ATAD2B: variants seen among roughly 807,000 people sequenced by gnomAD.
ATAD2B encodes the protein ATPase family AAA domain containing 2B.
ATAD2B carries 40 observed loss-of-function variants against 167.6 expected under a neutral mutation model. The ratio of observed to expected loss-of-function variants is 0.24; its 90% confidence interval spans 0.19 to 0.31. The LOEUF is 0.31. Among genes scored for constraint, ATAD2B ranks in the 10% least tolerant of loss-of-function variants. The pLI is 1.00. For missense variants in ATAD2B, 1,242 were observed against 1,757.2 expected, an observed-to-expected ratio of 0.71 and a Z score of 5.24; for synonymous variants, 579 against 596.5, an observed-to-expected ratio of 0.97 and a Z score of 0.43.
intron 22 of ATAD2B, among the ~76,000 whole-genome samples, chr2:23,776,361 C>T (rs1272624484): frequency 2.0e-5 from 3 of 152,182 alleles, no homozygotes; most frequent in Non-Finnish European, 2.9e-5. Flanking sequence ...GCAATTAAAT[C>T]TTAACTGATG....
chr2:23,868,121 C>T (rs1695415401), intron 9 of ATAD2B, among the ~76,000 whole-genome samples, 175 bp from the exon 10 acceptor site: 1 of 151,976 alleles, frequency 6.6e-6, no homozygotes, highest in Non-Finnish European at 1.5e-5. Flanking sequence ...TTGTCAATGG[C>T]CAAAAATTAA....
the ATAD2B span, among the ~76,000 whole-genome samples, chr2:23,698,495 T>C: frequency 5.9e-5 from 9 of 152,334 alleles, no homozygotes; most frequent in Middle Eastern, 3.4e-3. Flanking sequence ...ACGAGGGGGC[T>C]TTGTTCCCCA....
the ATAD2B span, among the ~76,000 whole-genome samples, chr2:23,723,981 G>T: frequency 6.6e-6 from 1 of 152,178 alleles, no homozygotes; most frequent in East Asian, 1.9e-4. Context: ...AACATGGATG[G>T]AATTTGAGGA....
intron 7 of ATAD2B, among the ~76,000 whole-genome samples, chr2:23,878,014 G>GAAA (rs70941598): frequency 7.0e-5 from 3 of 42,744 alleles, no homozygotes; most frequent in Non-Finnish European, 1.3e-4. Context: ...TATCTCCAAA[G>GAAA]AAAAAAAAAA....
At chr2:23,810,943 G>A (rs1217924714) in intron 17 of ATAD2B, among the ~76,000 whole-genome samples, 5 of 151,374 alleles carry the variant, frequency 3.3e-5, no homozygotes, top group East Asian at 3.9e-4. Flanking sequence ...CCCGGGAGGC[G>A]AAGGTTGCAG....
At chr2:23,888,040 A>AC in intron 3 of ATAD2B, 55 bp from the exon 4 acceptor site, 1 of 1,304,288 alleles carries the variant, frequency 7.7e-7, no homozygotes, top group Non-Finnish European at 9.9e-7. Flanking sequence ...AAGACAGAAA[A>AC]GAAAAAAAAA....
chr2:23,715,300 C>A, the ATAD2B span, among the ~76,000 whole-genome samples: 22 of 152,228 alleles, frequency 1.4e-4, no homozygotes, highest in South Asian at 3.5e-3. Context: ...GAAGGCCAGG[C>A]ACGGTGGCTC....
the ATAD2B span, among the ~76,000 whole-genome samples, chr2:23,679,576 G>A: frequency 1.4e-5 from 2 of 143,930 alleles, no homozygotes; most frequent in East Asian, 3.9e-4. Context: ...CTTGACGGGG[G>A]AAGCTACAAA....
At chr2:23,714,421 T>TTTC in the ATAD2B span, among the ~76,000 whole-genome samples, 3 of 149,488 alleles carry the variant, frequency 2.0e-5, no homozygotes, top group Non-Finnish European at 3.0e-5. Context: ...TTTTTTTTTT[T>TTTC]AGTAGAGACA....
the ATAD2B span, among the ~76,000 whole-genome samples, chr2:23,728,118 C>T: frequency 6.6e-6 from 1 of 151,800 alleles, no homozygotes; most frequent in African/African-American, 2.4e-5. Context: ...CACACTAATG[C>T]AAGATGTTAA....
chr2:23,820,329 A>T (rs2149628021), intron 16 of ATAD2B, among the ~76,000 whole-genome samples: 1 of 152,306 alleles, frequency 6.6e-6, no homozygotes, highest in South Asian at 2.1e-4. Flanking sequence ...AAGAGGATAC[A>T]CCTTTTCAAA....
intron 22 of ATAD2B, among the ~76,000 whole-genome samples, chr2:23,768,269 C>T (rs1677751834): frequency 6.6e-6 from 1 of 152,084 alleles, no homozygotes; most frequent in Non-Finnish European, 1.5e-5. Context: ...GGGAAGTGAT[C>T]GTGCCCGTAG....
At chr2:23,682,727 G>A in the ATAD2B span, among the ~76,000 whole-genome samples, 1 of 151,912 alleles carries the variant, frequency 6.6e-6, no homozygotes, top group Non-Finnish European at 1.5e-5. This position sits in a 1 kb window ranked among gnomAD's most constrained non-coding sequence, Gnocchi z 4.1. Context: ...CTCTGAGCCT[G>A]TTGGTCTCTG....
At chr2:23,782,786 G>A (rs1680254788) in intron 22 of ATAD2B, 83 bp downstream of exon 22, 1 of 1,202,426 alleles carries the variant, frequency 8.3e-7, no homozygotes. Flanking sequence ...TATCTATCTA[G>A]AACACAGGCA....
the ATAD2B span, among the ~76,000 whole-genome samples, chr2:23,712,126 G>C: frequency 6.6e-6 from 1 of 152,150 alleles, no homozygotes; most frequent in South Asian, 2.1e-4. Context: ...CTTAAGCAGA[G>C]AGCAGGTTTA....
the ATAD2B span, among the ~76,000 whole-genome samples, chr2:23,698,626 GAC>G: frequency 1.3e-5 from 2 of 152,134 alleles, no homozygotes; most frequent in Non-Finnish European, 2.9e-5. Flanking sequence ...TATAGATTAA[GAC>G]AACAGCACAA....
chr2:23,738,761 G>T, the ATAD2B span, among the ~76,000 whole-genome samples: 1 of 152,122 alleles, frequency 6.6e-6, no homozygotes, highest in Admixed American at 6.5e-5. Context: ...TGGCAAATTG[G>T]ATAAAGAGTC....
chr2:23,764,378 A>G (rs1677132268), intron 23 of ATAD2B, among the ~76,000 whole-genome samples: 1 of 152,214 alleles, frequency 6.6e-6, no homozygotes, highest in Admixed American at 6.5e-5. Flanking sequence ...TCAAATAAAG[A>G]TTTCTTGGCC....
At chr2:23,693,055 C>T in the ATAD2B span, among the ~76,000 whole-genome samples, 1 of 152,110 alleles carries the variant, frequency 6.6e-6, no homozygotes, top group African/African-American at 2.4e-5. Flanking sequence ...GAGGGAGGCC[C>T]CTGGGAGTCA....
Sources: gnomAD v4.1 joint callset for allele counts (sites outside exome capture counted in the v4.1 genomes callset) on GRCh38, gnomAD v4.1.1 for gene constraint, Gnocchi (gnomAD v3.1) non-coding constraint, MANE v1.5 for transcripts, NCBI Gene and HGNC (gene_info 2026-07-23, HGNC 2026-07-21) for gene names.